ANTXR2: variants seen among roughly 807,000 people sequenced by gnomAD.
The protein encoded by ANTXR2 is ANTXR cell adhesion molecule 2, also known as anthrax toxin receptor 2.
ANTXR2 carries 44 observed loss-of-function variants against 73.7 expected under a neutral mutation model. That is an observed-to-expected ratio of 0.60 (90% CI 0.47 to 0.77). ANTXR2 has a LOEUF of 0.77. ANTXR2 is among the 30% of genes least tolerant of loss of function. The pLI is 0.00. For synonymous variants in ANTXR2, 217 were observed against 205.9 expected (o/e 1.05, Z -0.46); for missense variants, 604 against 592.5 (o/e 1.02, Z -0.20).
chr4:79,901,319 A>G lies in ANTXR2; in HGVS notation c.*6110T>C, dbSNP rs554717553. The G allele has an allele frequency of 6.6e-6, 1 of 152,164 alleles. No individual in the cohort carries two copies. The highest frequency in any genetic ancestry group is 6.6e-5 in the Admixed American group (1 of 15,262). 9.4% of individuals were successfully genotyped at this position (152,164 alleles called of 1,614,324 possible). ...TTCCCCAATTACTTATACAAATCAGATGGTGGAGTACATGATAAGAAGTTT... is the reference window on the plus strand; with the variant it reads ...TTCCCCAATTACTTATACAAATCAGGTGGTGGAGTACATGATAAGAAGTTT... On this transcript the variant is annotated 3_prime_UTR_variant, in exon 17 of 17. Coordinates refer to ENST00000403729, the MANE Select transcript of ANTXR2 (RefSeq NM_058172.6).
At chr4:80,007,066 C>T (rs575850238) in intron 12 of ANTXR2, among the ~76,000 whole-genome samples, 3 of 152,162 alleles carry the variant, frequency 2.0e-5, no homozygotes, top group Admixed American at 1.3e-4. Context: ...AGACAGGATG[C>T]GTCTTGTCTC....
At position 79,905,749 on chromosome 4, in the gene ANTXR2, C is replaced by T. The variant is rs1208174748; in HGVS notation, c.*1680G>A. ...CAGTGCCACAAACCTGGACACCAAC[C>T]AACAGAATACTCCCGTCCTTTGAAA... On this transcript the variant is annotated 3_prime_UTR_variant, in exon 17 of 17. Coordinates refer to ENST00000403729, the MANE Select transcript of ANTXR2 (RefSeq NM_058172.6). The T allele has an allele frequency of 6.6e-6, 1 of 152,436 alleles. No individual in the cohort carries two copies. Among genetic ancestry groups the T allele is most frequent in the Non-Finnish European group, 1.5e-5 (1 of 68,042 alleles). 9.4% of individuals were successfully genotyped at this position (152,436 alleles called of 1,614,324 possible).
chr4:79,910,434 G>A (rs1474783930), intron 16 of ANTXR2, among the ~76,000 whole-genome samples: 8 of 149,988 alleles, frequency 5.3e-5, no homozygotes, highest in Admixed American at 4.0e-4. Flanking sequence ...GCTTGAACCC[G>A]GGAGGCGGAG....
intron 16 of ANTXR2, among the ~76,000 whole-genome samples, chr4:79,912,981 T>C (rs1483961917): frequency 6.6e-6 from 1 of 152,210 alleles, no homozygotes; most frequent in Non-Finnish European, 1.5e-5. Context: ...ATGTTTTACC[T>C]TTTCTGCATA....
At chr4:80,052,694 A>G (rs983522702) in intron 7 of ANTXR2, among the ~76,000 whole-genome samples, 3 of 151,694 alleles carry the variant, frequency 2.0e-5, no homozygotes, top group African/African-American at 7.2e-5. Context: ...AAAATAATGC[A>G]AATTTTCCTA....
chr4:79,959,409 T>C (rs549768298), intron 16 of ANTXR2, among the ~76,000 whole-genome samples: 1 of 152,250 alleles, frequency 6.6e-6, no homozygotes. Context: ...GATACCTCTC[T>C]TATGAATCAC....
intron 16 of ANTXR2, among the ~76,000 whole-genome samples, chr4:79,910,439 G>A (rs1473222355): frequency 6.6e-6 from 1 of 150,420 alleles, no homozygotes; most frequent in Admixed American, 6.6e-5. Flanking sequence ...AACCCGGGAG[G>A]CGGAGGTTGC....
intron 16 of ANTXR2, among the ~76,000 whole-genome samples, chr4:79,923,022 C>T (rs1223811604): frequency 6.6e-6 from 1 of 151,952 alleles, no homozygotes; most frequent in Non-Finnish European, 1.5e-5. Flanking sequence ...AGACTGTAAG[C>T]TCCATGTTTC....
chr4:80,048,798 A>T (rs951737277), intron 7 of ANTXR2, among the ~76,000 whole-genome samples: 1 of 151,692 alleles, frequency 6.6e-6, no homozygotes, highest in Admixed American at 6.6e-5. Flanking sequence ...AGAACAAACA[A>T]CAACAGACAT....
intron 7 of ANTXR2, among the ~76,000 whole-genome samples, chr4:80,049,820 C>T (rs1038959978): frequency 6.6e-6 from 1 of 151,744 alleles, no homozygotes; most frequent in Non-Finnish European, 1.5e-5. Flanking sequence ...CCAAATTTAA[C>T]GTTTTACTTC....
At chr4:80,072,289 G>T in intron 1 of ANTXR2, 120 bp downstream of exon 1, 4 of 1,138,290 alleles carry the variant, frequency 3.5e-6, no homozygotes, top group Non-Finnish European at 4.8e-6. Context: ...CAGCAACAGG[G>T]CACCCCTCCG....
At chr4:79,929,241 G>A (rs542415726) in intron 16 of ANTXR2, among the ~76,000 whole-genome samples, 12 of 152,256 alleles carry the variant, frequency 7.9e-5, no homozygotes, top group African/African-American at 1.4e-4. Context: ...GAGGGCAGGC[G>A]CAGTGGCTCA....
chr4:80,033,424 A>C (rs548684192), intron 9 of ANTXR2, 48 bp downstream of exon 9: 30 of 1,383,746 alleles, frequency 2.2e-5, no homozygotes, highest in Middle Eastern at 3.6e-4. Context: ...TTTGATGCTG[A>C]TGTGCTTTGC....
intron 16 of ANTXR2, among the ~76,000 whole-genome samples, chr4:79,952,194 A>AATATATATATATTTAT (rs1728733370): frequency 6.7e-6 from 1 of 150,298 alleles, no homozygotes; most frequent in Non-Finnish European, 1.5e-5. Flanking sequence ...TTTATATATA[A>AATATATATATATTTAT]ATATATATCA....
chr4:79,930,940 T>C (rs1398572847), intron 16 of ANTXR2, among the ~76,000 whole-genome samples: 1 of 152,202 alleles, frequency 6.6e-6, no homozygotes, highest in Non-Finnish European at 1.5e-5. Flanking sequence ...TATTTTGCAA[T>C]ACAATTTAAA....
chr4:80,071,654 C>T lies in ANTXR2; in HGVS notation c.153G>A (p.Lys51=). 6 of 1,609,716 alleles carry T rather than the reference C, an allele frequency of 3.7e-6. No homozygotes were observed. Among genetic ancestry groups the T allele is most frequent in the Non-Finnish European group, 4.3e-6 (5 of 1,176,266 alleles). ...TCCAGTTATTTGCCACACTCCCAGA[C>T]CTGAAAGATGAAATTGAACTGATCA... The part of the protein sequence containing the change: ...RAFDLYFVLD[K]SGSVANNWIE... Residue 51 remains lysine (K), a splice_region_variant and synonymous_variant, in exon 2 of 17, where the codon AAG becomes AAA. Transcript: ENST00000403729.
intron 11 of ANTXR2, among the ~76,000 whole-genome samples, chr4:80,011,416 A>G (rs1181878820): frequency 6.6e-6 from 1 of 152,152 alleles, no homozygotes; most frequent in African/African-American, 2.4e-5. Context: ...AATATCAGGA[A>G]TTAGGAAACT....
chr4:79,966,743 G>C (rs1052528602), intron 16 of ANTXR2, among the ~76,000 whole-genome samples: 4 of 151,780 alleles, frequency 2.6e-5, no homozygotes, highest in Non-Finnish European at 4.4e-5. Flanking sequence ...ATTACTTTTT[G>C]GATAATACTA....
chr4:80,037,134 T>C (rs1299659166), intron 7 of ANTXR2, among the ~76,000 whole-genome samples: 1 of 152,200 alleles, frequency 6.6e-6, no homozygotes, highest in Non-Finnish European at 1.5e-5. Flanking sequence ...AGAACTGCTC[T>C]GCACTATATT....
Sources: gnomAD v4.1 joint callset for allele counts (sites outside exome capture counted in the v4.1 genomes callset) on GRCh38, gnomAD v4.1.1 for gene constraint, MANE v1.5 for transcripts, NCBI Gene and HGNC (gene_info 2026-07-23, HGNC 2026-07-21) for gene names.